ABCB1: variants seen among roughly 807,000 people sequenced by gnomAD.
ABCB1 encodes ATP-dependent translocase ABCB1.
ABCB1 carries 69 observed loss-of-function variants against 142.0 expected under a neutral mutation model. That is an observed-to-expected ratio of 0.49 (90% CI 0.40 to 0.59). The LOEUF (loss-of-function observed/expected upper bound fraction) is 0.59, where lower values mean the gene tolerates loss of function less well. Among genes scored for constraint, ABCB1 ranks in the 20% least tolerant of loss-of-function variants. ABCB1 has a pLI of 0.00. For synonymous variants in ABCB1, 532 were observed against 539.2 expected, an observed-to-expected ratio of 0.99 and a Z score of 0.18; for missense variants, 1,326 against 1,554.7, an observed-to-expected ratio of 0.85 and a Z score of 2.47.
intron 1 of ABCB1, among the ~76,000 whole-genome samples, chr7:87,679,697 C>A (rs1298370786): frequency 6.7e-6 from 1 of 150,330 alleles, no homozygotes; most frequent in Non-Finnish European, 1.5e-5. Context: ...GCCACCCCAA[C>A]ATTTATAATT....
intron 1 of ABCB1, among the ~76,000 whole-genome samples, chr7:87,620,212 C>G (rs999537565): frequency 2.0e-5 from 3 of 151,732 alleles, no homozygotes; most frequent in Middle Eastern, 3.4e-3. Flanking sequence ...CCAGGCTGGA[C>G]TGCAATGGCA....
At chr7:87,534,104 CTG>C (rs1281600199) in intron 20 of ABCB1, among the ~76,000 whole-genome samples, 1 of 152,154 alleles carries the variant, frequency 6.6e-6, no homozygotes, top group East Asian at 1.9e-4. Context: ...TAGGAACTCA[CTG>C]TGGCCTAAGG....
intron 21 of ABCB1, among the ~76,000 whole-genome samples, chr7:87,523,794 C>A (rs1302373896): frequency 6.6e-6 from 1 of 152,094 alleles, no homozygotes; most frequent in African/African-American, 2.4e-5. Context: ...TCAGCCGCAC[C>A]ACCTTGAACC....
intron 17 of ABCB1, among the ~76,000 whole-genome samples, chr7:87,542,755 C>T (rs898843751): frequency 6.6e-6 from 1 of 152,050 alleles, no homozygotes; most frequent in African/African-American, 2.4e-5. Flanking sequence ...AACTATGGGC[C>T]ACTGGCCAAA....
intron 4 of ABCB1, among the ~76,000 whole-genome samples, chr7:87,580,854 G>T (rs549203144): frequency 6.6e-6 from 1 of 152,004 alleles, no homozygotes; most frequent in South Asian, 2.1e-4. Context: ...TCATTCTTCA[G>T]TATGTGCTGC....
intron 25 of ABCB1, 139 bp downstream of exon 25, chr7:87,515,092 A>T: frequency 3.5e-6 from 4 of 1,140,896 alleles, no homozygotes; most frequent in Non-Finnish European, 5.0e-6. Context: ...TGGAGACCAT[A>T]TTTAGGCTCT....
At chr7:87,709,848 A>G (rs1829910333) in intron 1 of ABCB1, among the ~76,000 whole-genome samples, 1 of 152,230 alleles carries the variant, frequency 6.6e-6, no homozygotes, top group Non-Finnish European at 1.5e-5. Context: ...AGTTCTTACT[A>G]CAAATATGAT....
At chr7:87,604,879 G>T (rs1435673384), upstream of ABCB1, among the ~76,000 whole-genome samples, 1 of 152,036 alleles carries the variant, frequency 6.6e-6, no homozygotes, top group Non-Finnish European at 1.5e-5. Flanking sequence ...CTACCACTCC[G>T]CAATCCTACT....
At chr7:87,694,527 A>T (rs1358981171) in intron 1 of ABCB1, among the ~76,000 whole-genome samples, 1 of 152,228 alleles carries the variant, frequency 6.6e-6, no homozygotes, top group Admixed American at 6.6e-5. Context: ...AAAGAGAAAA[A>T]GTAAAAAACA....
At chr7:87,589,696 G>A (rs1818904780) in intron 3 of ABCB1, among the ~76,000 whole-genome samples, 1 of 151,834 alleles carries the variant, frequency 6.6e-6, no homozygotes, top group South Asian at 2.1e-4. Flanking sequence ...GGGGTGGTAG[G>A]ATCACTTAAG....
chr7:87,591,601 A>G (rs770685449), intron 3 of ABCB1, among the ~76,000 whole-genome samples: 3 of 152,130 alleles, frequency 2.0e-5, no homozygotes, highest in African/African-American at 4.8e-5. Flanking sequence ...GCAGTCAGAG[A>G]ATGTTGAGAC....
upstream of ABCB1, among the ~76,000 whole-genome samples, chr7:87,603,569 C>T (rs1819542750): frequency 6.6e-6 from 1 of 152,246 alleles, no homozygotes; most frequent in Non-Finnish European, 1.5e-5. Flanking sequence ...CACATCACTT[C>T]TCTCTAATCA....
chr7:87,610,404 T>A (rs1272230172), intron 1 of ABCB1, among the ~76,000 whole-genome samples: 2 of 133,816 alleles, frequency 1.5e-5, no homozygotes, highest in African/African-American at 5.5e-5. Flanking sequence ...GCCTTTTTTT[T>A]TTTTTTTTTT....
chr7:87,534,627 A>G (rs1313740569), intron 20 of ABCB1, among the ~76,000 whole-genome samples: 1 of 151,844 alleles, frequency 6.6e-6, no homozygotes, highest in African/African-American at 2.4e-5. Context: ...ATAAAGATCA[A>G]CTCCAGCTGG....
At chr7:87,529,265 G>A (rs1037744687) in intron 21 of ABCB1, among the ~76,000 whole-genome samples, 4 of 152,120 alleles carry the variant, frequency 2.6e-5, no homozygotes, top group Non-Finnish European at 5.9e-5. Context: ...AATTCAACAG[G>A]GTTATTGACA....
In ABCB1 at chr7:87,553,791, T is replaced by C. The variant is rs1817193724; in HGVS notation, c.969A>G (p.Ser323=). 3 of 1,614,148 alleles carry C rather than the reference T, an allele frequency of 1.9e-6. No individual in the cohort carries two copies. Among genetic ancestry groups the C allele is most frequent in the East Asian group, 2.2e-5 (1 of 44,876 alleles). ...AFWYGTTLVL[S]GEYSIGQVLT... is the part of the protein sequence containing the mutation. ...GTACTTGTCCAATAGAATATTCCCC[T>C]GAGAGGACCAAGGTGGTCCCATACC... The change falls in exon 9 of 28, where the codon TCA becomes TCG. Residue 323 remains serine (S), a synonymous_variant. Coordinates refer to ENST00000622132, the MANE Select transcript of ABCB1 (RefSeq NM_001348946.2).
chr7:87,701,755 A>G (rs1490253224), intron 1 of ABCB1, among the ~76,000 whole-genome samples: 1 of 152,168 alleles, frequency 6.6e-6, no homozygotes, highest in Non-Finnish European at 1.5e-5. Flanking sequence ...TTCTTCATAT[A>G]CTTCAACCAA....
At position 87,504,413 on chromosome 7, in the gene ABCB1, G is replaced by A. The variant is rs1281746264; in HGVS notation, c.3673C>T (p.Arg1225Cys). Residue 1225 changes from arginine to cysteine, a missense_variant, in exon 28 of 28, where the codon CGC (arginine) becomes TGC (cysteine). Coordinates refer to ENST00000622132, the MANE Select transcript of ABCB1 (RefSeq NM_001348946.2). ...QEALDKAREG[R>C]TCIVIAHRLS... The stretch of plus-strand genomic sequence containing the variant: ...CGGTGAGCAATCACAATGCAGGTGC[G>A]GCCTTCTCTGGCTTTGTCCAGGGCT... The A allele has an allele frequency of 2.2e-5, 35 of 1,613,920 alleles. No individual in the cohort carries two copies. The highest frequency in any genetic ancestry group is 5.0e-5 in the Admixed American group (3 of 59,994).
At chr7:87,623,845 G>C (rs1056895720) in intron 1 of ABCB1, among the ~76,000 whole-genome samples, 1 of 151,856 alleles carries the variant, frequency 6.6e-6, no homozygotes, top group African/African-American at 2.4e-5. Flanking sequence ...GAAAAATAAT[G>C]ACATGATAGC....
Sources: allele counts gnomAD v4.1 joint callset (sites outside exome capture counted in the v4.1 genomes callset), GRCh38; gene constraint gnomAD v4.1.1; transcripts MANE v1.5; gene names NCBI Gene and HGNC (gene_info 2026-07-23, HGNC 2026-07-21).